The following KAZN variants were observed in gnomAD, a reference collection of about 807,000 sequenced individuals.
KAZN encodes the protein kazrin, periplakin interacting protein.
In KAZN, 40 loss-of-function variants were observed where a neutral mutation model predicts 87.4. The observed-to-expected ratio is 0.46, with a 90% confidence interval of 0.36 to 0.60. KAZN has a LOEUF of 0.60. KAZN is among the 20% of genes least tolerant of loss of function. KAZN has a pLI of 0.00. For missense variants in KAZN, 898 were observed against 1,073.9 expected (o/e 0.84, Z 2.29); for synonymous variants, 466 against 458.3 (o/e 1.02, Z -0.22).
At chr1:14,415,668 G>A (rs1007687643) in intron 2 of KAZN, among the ~76,000 whole-genome samples, 5 of 152,170 alleles carry the variant, frequency 3.3e-5, no homozygotes, top group Admixed American at 2.0e-4. Flanking sequence ...TCATGCAGAG[G>A]CTTGTGCTGT....
chr1:14,641,741 T>C (rs1406425752), intron 1 of KAZN, among the ~76,000 whole-genome samples: 1 of 152,222 alleles, frequency 6.6e-6, no homozygotes, highest in Non-Finnish European at 1.5e-5. Context: ...GGTGTGGCCA[T>C]GAGCCACTTG....
At chr1:14,981,646 A>G (rs557321544) in intron 2 of KAZN, among the ~76,000 whole-genome samples, 1 of 152,320 alleles carries the variant, frequency 6.6e-6, no homozygotes, top group Admixed American at 6.5e-5. Flanking sequence ...GCTGCACAAT[A>G]TGACAAACAC....
chr1:14,031,895 T>TAACAAGATGG (rs1336297790), intron 1 of KAZN, among the ~76,000 whole-genome samples: 7,327 of 152,252 alleles, frequency 0.048, 608 homozygotes, highest in African/African-American at 0.17. Flanking sequence ...AACTTGCTTT[T>TAACAAGATGG]CTTGTTAACA....
intron 1 of KAZN, among the ~76,000 whole-genome samples, chr1:13,905,924 G>A (rs1557711705): frequency 1.3e-5 from 2 of 152,082 alleles, no homozygotes. Flanking sequence ...CTGAAATCAA[G>A]GTCTCAAAAG....
At chr1:15,057,048 A>T (rs953662568) in intron 5 of KAZN, among the ~76,000 whole-genome samples, 8 of 152,244 alleles carry the variant, frequency 5.3e-5, no homozygotes, top group African/African-American at 1.9e-4. Context: ...TGGCTGTTGG[A>T]GCTGCAGGAG....
chr1:14,580,475 C>CAAATAAAT (rs34947660), intron 2 of KAZN, among the ~76,000 whole-genome samples: 37 of 144,416 alleles, frequency 2.6e-4, no homozygotes, highest in African/African-American at 4.9e-4. Flanking sequence ...AACTCTATCT[C>CAAATAAAT]AAATAAATAA....
intron 4 of KAZN, 48 bp downstream of exon 4, chr1:15,044,207 C>T (rs756195686): frequency 1.3e-5 from 16 of 1,253,884 alleles, no homozygotes; most frequent in Non-Finnish European, 1.3e-5. Flanking sequence ...CTAGCAGTGC[C>T]GTGCTGGGAG....
At chr1:15,013,298 C>T (rs1669759749) in intron 2 of KAZN, among the ~76,000 whole-genome samples, 4 of 152,152 alleles carry the variant, frequency 2.6e-5, no homozygotes. Flanking sequence ...AGGCAAACTA[C>T]TCACCCCCGT....
At chr1:15,086,685 C>T (rs529601177) in intron 8 of KAZN, among the ~76,000 whole-genome samples, 2 of 152,078 alleles carry the variant, frequency 1.3e-5, no homozygotes, top group Non-Finnish European at 2.9e-5. Flanking sequence ...TATGGGGTTT[C>T]AAAAGAGGAT....
At position 14,702,809 on chromosome 1, in the gene KAZN, T is replaced by C. The variant is rs139221337; in HGVS notation, c.226+103586T>C. Among the ~76,000 whole-genome samples, 771 of 152,298 alleles carry C rather than the reference T, an allele frequency of 5.1e-3. 6 individuals carry two copies. The highest frequency in any genetic ancestry group is 0.017 in the African/African-American group (700 of 41,556). On this transcript the variant is annotated intron_variant, in intron 1 of 14. Transcript: ENST00000376030. ...CGTGTGCCTTTGGTCTGTGCCCACC[T>C]TTTAGTATCACCGTCATTTCTTACT...
chr1:14,234,021 C>A (rs1315076033), intron 2 of KAZN, among the ~76,000 whole-genome samples: 1 of 152,116 alleles, frequency 6.6e-6, no homozygotes, highest in Non-Finnish European at 1.5e-5. Flanking sequence ...ACCAGAAATA[C>A]CATTTGACCC....
intron 1 of KAZN, among the ~76,000 whole-genome samples, chr1:13,904,845 C>T (rs543662792): frequency 4.6e-5 from 7 of 152,280 alleles, no homozygotes; most frequent in Non-Finnish European, 7.4e-5. Context: ...TTTCTTTGAA[C>T]ACTGATTCCC....
intron 1 of KAZN, among the ~76,000 whole-genome samples, chr1:14,137,897 C>G (rs146923834): frequency 6.6e-6 from 1 of 151,906 alleles, no homozygotes; most frequent in East Asian, 2.0e-4. Flanking sequence ...TTTGATTAGG[C>G]CTATCAGTTA....
At position 14,110,599 on chromosome 1, in the gene KAZN, A is replaced by G. The variant is rs1478312468; in HGVS notation, c.92-69836A>G. On this transcript the variant is annotated intron_variant, in intron 1 of 16. Coordinates refer to the KAZN transcript ENST00000636203. ...GGAGGTTTTATTTGCATGACTTGGA[A>G]TGATACATTATTTTTCAGATCTCAA... 2.6e-5 allele frequency among the ~76,000 whole-genome samples: 2 copies of G among 77,812 alleles called. 1 individual carries two copies. Among genetic ancestry groups the G allele is most frequent in the Non-Finnish European group, 5.2e-5 (2 of 38,114 alleles). The allele number at this position is 77,812 out of a possible 152,430, so 51.0% of individuals were successfully genotyped here.
chr1:14,361,997 G>A (rs1022782309), intron 2 of KAZN, among the ~76,000 whole-genome samples: 1 of 152,198 alleles, frequency 6.6e-6, no homozygotes, highest in Non-Finnish European at 1.5e-5. Context: ...ACAAGGAAAG[G>A]TCCTGTAGCC....
chr1:14,874,231 T>C (rs1652493017), intron 1 of KAZN, among the ~76,000 whole-genome samples: 1 of 151,916 alleles, frequency 6.6e-6, no homozygotes, highest in African/African-American at 2.4e-5. Flanking sequence ...CCTCCAACAT[T>C]TGGAGGTCGG....
intron 1 of KAZN, among the ~76,000 whole-genome samples, chr1:14,001,029 G>T (rs576763014): frequency 6.6e-6 from 1 of 152,000 alleles, no homozygotes; most frequent in South Asian, 2.1e-4. Context: ...TGATCCGCCC[G>T]CCTCAGCCTC....
Position 14,924,078 on chromosome 1 carries a change from C to T in KAZN, c.227-36606C>T, listed in dbSNP as rs937513897. 84 of 952,742 alleles carry T rather than the reference C, an allele frequency of 8.8e-5. 1 individual carries two copies. The highest frequency in any genetic ancestry group is 1.0e-4 in the Non-Finnish European group (80 of 801,616). The allele number at this position is 952,742 out of a possible 1,614,324, so 59.0% of individuals were successfully genotyped here. A position where few individuals can be genotyped will look rare whatever the true frequency, so the allele number is the denominator to read the frequency against. ...GGGGGCGGGGCGGGGGCGGGGCGAG[C>T]CTCGGCAGTCGCCAGCCCGGAAGGA... On this transcript the variant is annotated intron_variant, in intron 1 of 14. Coordinates refer to ENST00000376030, the MANE Select transcript of KAZN (RefSeq NM_201628.3).
intron 2 of KAZN, among the ~76,000 whole-genome samples, chr1:14,427,050 A>T (rs1193539621): frequency 6.6e-6 from 1 of 152,216 alleles, no homozygotes; most frequent in Non-Finnish European, 1.5e-5. Context: ...TTAACCCAGC[A>T]ATCTCACAAG....
Sources: gnomAD v4.1 joint callset for allele counts (sites outside exome capture counted in the v4.1 genomes callset) on GRCh38, gnomAD v4.1.1 for gene constraint, MANE v1.5 for transcripts, NCBI Gene and HGNC (gene_info 2026-07-23, HGNC 2026-07-21) for gene names.